The following CCDC150 variants were observed in gnomAD, a reference collection of about 807,000 sequenced individuals.
CCDC150 encodes coiled-coil domain-containing protein 150.
In CCDC150, 151 loss-of-function variants were observed where a neutral mutation model predicts 156.5. The ratio of observed to expected loss-of-function variants is 0.97; its 90% CI spans 0.85 to 1.10. The LOEUF (loss-of-function observed/expected upper bound fraction) is 1.10, where lower values mean the gene tolerates loss of function less well. CCDC150 is among the 50% of genes least tolerant of loss of function. CCDC150 has a pLI of 0.00. For missense variants in CCDC150, 1,312 were observed against 1,268.1 expected, an observed-to-expected ratio of 1.03 and a Z score of -0.53; for synonymous variants, 452 against 429.4, an observed-to-expected ratio of 1.05 and a Z score of -0.65.
chr2:196,671,381 A>T (rs1021757767), intron 8 of CCDC150, among the ~76,000 whole-genome samples: 1 of 145,254 alleles, frequency 6.9e-6, no homozygotes, highest in African/African-American at 2.5e-5. Context: ...TGTTTCCTCC[A>T]TGTCTTTTCA....
chr2:196,663,449 A>G (rs1167659386), intron 5 of CCDC150, among the ~76,000 whole-genome samples: 1 of 150,668 alleles, frequency 6.6e-6, no homozygotes, highest in Non-Finnish European at 1.5e-5. Context: ...AAATTTTAAT[A>G]CATAGTACTG....
chr2:196,676,985 G>A (rs1029123951), intron 12 of CCDC150: 6 of 653,562 alleles, frequency 9.2e-6, no homozygotes, highest in Non-Finnish European at 1.7e-5. Context: ...GTTAGTTAAG[G>A]GGTCAGATTT....
intron 15 of CCDC150, among the ~76,000 whole-genome samples, chr2:196,703,742 TGAAATATATTTTATAATTTATGGA>T (rs1696399976): frequency 6.6e-6 from 1 of 152,216 alleles, no homozygotes; most frequent in South Asian, 2.1e-4. Context: ...TGACTGGGAA[TGAAATATATTTTATAATTTATGGA>T]TGGGTCTGAT....
In CCDC150 at chr2:196,695,171, A is replaced by AT; in HGVS notation, c.1623+12_1623+13insT. On this transcript the variant is annotated intron_variant, in intron 14 of 27. Transcript: ENST00000389175. Reference sequence around the variant, plus strand: ...CTGATTACCATGGGGTGGGTATAAAAAGATCAGTCTAAATAGCAATTAATG... The same window carrying AT: ...CTGATTACCATGGGGTGGGTATAAAATAGATCAGTCTAAATAGCAATTAATG... 6.9e-7 allele frequency: 1 copy of AT among 1,450,982 alleles called. No homozygotes were observed. Among genetic ancestry groups the AT allele is most frequent in the South Asian group, 1.2e-5 (1 of 86,648 alleles). 89.9% of individuals were successfully genotyped at this position (1,450,982 alleles called of 1,614,324 possible). A position where few individuals can be genotyped will look rare whatever the true frequency, so the allele number is the denominator to read the frequency against.
chr2:196,648,251 C>T (rs1034736214), intron 2 of CCDC150, among the ~76,000 whole-genome samples: 1 of 152,132 alleles, frequency 6.6e-6, no homozygotes, highest in Non-Finnish European at 1.5e-5. Context: ...TTTGCATTCC[C>T]ATCAACTATG....
chr2:196,652,469 C>G (rs879874652), intron 2 of CCDC150, among the ~76,000 whole-genome samples: 9 of 152,260 alleles, frequency 5.9e-5, no homozygotes, highest in Admixed American at 5.9e-4. Flanking sequence ...GACTCTCTGT[C>G]CCATATCCTG....
intron 2 of CCDC150, among the ~76,000 whole-genome samples, chr2:196,649,754 G>A (rs932775714): frequency 1.3e-5 from 2 of 151,904 alleles, no homozygotes; most frequent in African/African-American, 2.4e-5. Flanking sequence ...TCCTTTTTTG[G>A]TGCTATTGTA....
At chr2:196,731,142 A>G (rs1362996544) in intron 26 of CCDC150, among the ~76,000 whole-genome samples, 197 bp downstream of exon 26, 1 of 152,192 alleles carries the variant, frequency 6.6e-6, no homozygotes, top group Non-Finnish European at 1.5e-5. Context: ...TCCAGATGAC[A>G]GATGATATAT....
At chr2:196,672,201 A>G (rs963218916) in intron 8 of CCDC150, 144 bp from the exon 9 acceptor site, 1 of 417,934 alleles carries the variant, frequency 2.4e-6, no homozygotes, top group Non-Finnish European at 4.4e-6. Flanking sequence ...ATTTTTATAC[A>G]TTCTTTATAA....
rs1697807239 is a variant in CCDC150 at position 196,720,351 on chromosome 2, T to A, written c.2166-224T>A. The A allele has an allele frequency of 1.6e-5, 8 of 501,100 alleles. No homozygotes were observed. The South Asian group carries it at 2.0e-4, about 13-fold the overall frequency. 31.0% of individuals were successfully genotyped at this position (501,100 alleles called of 1,614,324 possible). On this transcript the variant is annotated intron_variant, in intron 19 of 27. Transcript: ENST00000389175. ...AAGGGAATGGTATTAAAAATACTAT[T>A]CACAATAAATTTATAAGTGGCTGTT...
At chr2:196,642,234 G>T (rs919955300) in intron 1 of CCDC150, among the ~76,000 whole-genome samples, 18 of 152,198 alleles carry the variant, frequency 1.2e-4, no homozygotes, top group Non-Finnish European at 2.2e-4. Flanking sequence ...TAAAGCTGTT[G>T]TCTCTTTGCT....
chr2:196,663,786 G>GAA (rs1382445168), intron 5 of CCDC150, among the ~76,000 whole-genome samples: 37 of 151,948 alleles, frequency 2.4e-4, no homozygotes, highest in Non-Finnish European at 4.9e-4. Context: ...TATCCATAGA[G>GAA]AAAAAAATGT....
At chr2:196,730,639 A>G (rs1029840357) in intron 25 of CCDC150, among the ~76,000 whole-genome samples, 3 of 152,252 alleles carry the variant, frequency 2.0e-5, no homozygotes, top group Non-Finnish European at 4.4e-5. Flanking sequence ...GACTCCATAA[A>G]TAAAAAATCA....
chr2:196,680,357 C>T (rs1369191687), intron 13 of CCDC150, among the ~76,000 whole-genome samples: 1 of 152,050 alleles, frequency 6.6e-6, no homozygotes, highest in East Asian at 1.9e-4. Flanking sequence ...AGGGCGGTGA[C>T]ACAATCACAG....
chr2:196,646,043 C>G (rs1281331695), intron 1 of CCDC150, among the ~76,000 whole-genome samples: 2 of 152,306 alleles, frequency 1.3e-5, no homozygotes, highest in East Asian at 3.9e-4. Flanking sequence ...GACATCCACA[C>G]TGTATATCAT....
In CCDC150 at chr2:196,711,735, G is replaced by A. The variant is rs983678684; in HGVS notation, c.1696-410G>A. 2.5e-4 allele frequency among the ~76,000 whole-genome samples: 38 copies of A among 152,124 alleles called. 1 individual carries two copies. The highest frequency in any genetic ancestry group is 8.8e-5 in the Non-Finnish European group (6 of 68,002). On this transcript the variant is annotated intron_variant, in intron 15 of 27. Coordinates refer to ENST00000389175, the MANE Select transcript of CCDC150 (RefSeq NM_001080539.2). ...CCACCCCATTCCATTCTTCTGGTCT[G>A]ATATGTCTGCTTCTTGCACATTGAC...
chr2:196,676,479 A>T (rs1694510879), intron 11 of CCDC150, 75 bp from the exon 12 acceptor site: 1 of 1,390,354 alleles, frequency 7.2e-7, no homozygotes, highest in East Asian at 2.3e-5. Flanking sequence ...ATGTTCTATA[A>T]GAACATTTAA....
chr2:196,683,460 T>C (rs1327456643), intron 13 of CCDC150, among the ~76,000 whole-genome samples: 1 of 152,108 alleles, frequency 6.6e-6, no homozygotes, highest in Non-Finnish European at 1.5e-5. Flanking sequence ...AGGGATACTG[T>C]TCTGTAGTTT....
At position 196,686,964 on chromosome 2, in the gene CCDC150, A is replaced by G. The variant is rs549852931; in HGVS notation, c.1510-8082A>G. Reference sequence around the variant, plus strand: ...TCATTCTTTTTTATGGCTGCATAGTATTCCATGGTGTATATGTACCACATT... The same window carrying G: ...TCATTCTTTTTTATGGCTGCATAGTGTTCCATGGTGTATATGTACCACATT... On this transcript the variant is annotated intron_variant, in intron 13 of 27. Coordinates refer to ENST00000389175, the MANE Select transcript of CCDC150 (RefSeq NM_001080539.2). 2.0e-5 allele frequency among the ~76,000 whole-genome samples: 3 copies of G among 152,316 alleles called. No homozygotes were observed. The East Asian group carries it at 5.8e-4, about 29-fold the overall frequency.
Sources: allele counts gnomAD v4.1 joint callset (sites outside exome capture counted in the v4.1 genomes callset), GRCh38; gene constraint gnomAD v4.1.1; transcripts MANE v1.5; gene names NCBI Gene and HGNC (gene_info 2026-07-23, HGNC 2026-07-21).